Variants in TBK1 observed in about 807,000 individuals in gnomAD.
The protein encoded by TBK1 is TANK binding kinase 1.
Under a neutral mutation model 99.9 loss-of-function variants are expected in TBK1, and 37 were observed. The observed-to-expected ratio is 0.37, with a 90% CI of 0.28 to 0.49. The LOEUF (loss-of-function observed/expected upper bound fraction) is 0.49. Among genes scored for constraint, TBK1 ranks in the 20% least tolerant of loss-of-function variants. TBK1 has a pLI of 0.98. For missense variants in TBK1, 644 were observed against 872.5 expected (o/e 0.74, Z 3.30); for synonymous variants, 258 against 279.8 (o/e 0.92, Z 0.78).
rs568834710 is a variant in TBK1 at position 64,482,548 on chromosome 12, A to G, written c.992+527A>G. Reference sequence around the variant, plus strand: ...CCCATGTGATTAAAAAAAACTACCCATGTGATAAAACTGCATATAAAGTTT... The same window carrying G: ...CCCATGTGATTAAAAAAAACTACCCGTGTGATAAAACTGCATATAAAGTTT... On this transcript the variant is annotated intron_variant, in intron 8 of 20. Coordinates refer to ENST00000331710, the MANE Select transcript of TBK1 (RefSeq NM_013254.4). Among the ~76,000 whole-genome samples, 82 of 152,346 alleles carry G rather than the reference A, an allele frequency of 5.4e-4. No homozygotes were observed. The Middle Eastern group carries it at 0.01, about 19-fold the overall frequency.
At chr12:64,481,326 G>GA (rs1368926645) in intron 7 of TBK1, among the ~76,000 whole-genome samples, 3 of 152,110 alleles carry the variant, frequency 2.0e-5, no homozygotes, top group African/African-American at 7.2e-5. Context: ...ATTATCTATC[G>GA]AATCAGTCTT....
rs201771147 is a variant in TBK1 at position 64,485,903 on chromosome 12, T to C, written c.1249-23T>C. On this transcript the variant is annotated intron_variant, in intron 10 of 20. Coordinates refer to ENST00000331710, the MANE Select transcript of TBK1 (RefSeq NM_013254.4). ...CCTATACCACAATTAGCACCAAATA[T>C]TGACATTTTATTTCTTTATTAGGCA... 5 of 1,525,418 alleles carry C rather than the reference T, an allele frequency of 3.3e-6. No homozygotes were observed. In the East Asian group the frequency reaches 9.9e-5, roughly 30 times the overall value. 94.5% of individuals were successfully genotyped at this position (1,525,418 alleles called of 1,614,324 possible).
intron 6 of TBK1, among the ~76,000 whole-genome samples, chr12:64,475,392 G>C (rs530957618): frequency 6.6e-6 from 1 of 152,098 alleles, no homozygotes; most frequent in African/African-American, 2.4e-5. Context: ...ACGTGGTACC[G>C]AATAAGAAGT....
At chr12:64,458,704 T>C (rs531600752) in intron 2 of TBK1, among the ~76,000 whole-genome samples, 5 of 152,192 alleles carry the variant, frequency 3.3e-5, no homozygotes, top group Non-Finnish European at 7.4e-5. Context: ...TATTGCAAAA[T>C]TGTATTATTT....
intron 15 of TBK1, 128 bp from the exon 16 acceptor site, chr12:64,496,239 G>A (rs1389650558): frequency 1.2e-5 from 5 of 409,350 alleles, no homozygotes; most frequent in African/African-American, 2.1e-5. Flanking sequence ...AGTAACCAAT[G>A]AGCCACAAAT....
At chr12:64,482,117 C>T in intron 8 of TBK1, 96 bp downstream of exon 8, 1 of 776,548 alleles carries the variant, frequency 1.3e-6, no homozygotes, top group African/African-American at 1.8e-5. Flanking sequence ...TCAGCTTCAC[C>T]AAAAGTACCC....
intron 1 of TBK1, 29 bp downstream of exon 1, chr12:64,452,216 C>T (rs1489948929): frequency 6.6e-6 from 1 of 152,360 alleles, no homozygotes; most frequent in Non-Finnish European, 1.5e-5. Flanking sequence ...GGCTGAGGGG[C>T]CAAGGCGGCG....
At chr12:64,460,914 CTG>C (rs952031018) in intron 3 of TBK1, among the ~76,000 whole-genome samples, 18 of 151,198 alleles carry the variant, frequency 1.2e-4, no homozygotes, top group African/African-American at 4.4e-4. Flanking sequence ...AACCCTGTCT[CTG>C]TAAAAAATAC....
chr12:64,481,011 A>G (rs568456641), intron 7 of TBK1, among the ~76,000 whole-genome samples: 3 of 152,340 alleles, frequency 2.0e-5, no homozygotes, highest in East Asian at 1.9e-4. Flanking sequence ...ATCATTTTCA[A>G]AAACCACTAT....
chr12:64,452,532 C>T (rs966409937), intron 1 of TBK1: 1 of 152,250 alleles, frequency 6.6e-6, no homozygotes, highest in East Asian at 1.9e-4. Context: ...GACTCCGTTA[C>T]CGGGCCTGGG....
intron 18 of TBK1, among the ~76,000 whole-genome samples, 187 bp from the exon 19 acceptor site, chr12:64,497,461 A>G (rs2040940181): frequency 6.6e-6 from 1 of 152,096 alleles, no homozygotes; most frequent in African/African-American, 2.4e-5. Context: ...AACTGTATGA[A>G]AAGTTTCTTT....
At chr12:64,492,897 GT>G (rs539329815) in intron 13 of TBK1, among the ~76,000 whole-genome samples, 19,801 of 113,536 alleles carry the variant, frequency 0.17, 1,339 homozygotes, top group Middle Eastern at 0.3. Flanking sequence ...AATTTTGTTT[GT>G]TTTTTTTTTT....
intron 5 of TBK1, among the ~76,000 whole-genome samples, chr12:64,472,063 A>G (rs1485344100): frequency 6.6e-5 from 10 of 151,858 alleles, no homozygotes; most frequent in South Asian, 6.3e-4. Flanking sequence ...AGGTTTGGCA[A>G]TCACTTCTTT....
In TBK1 at chr12:64,496,991, T is replaced by C; in HGVS notation, c.1803T>C (p.Phe601=). ...ATGCCACAAAAGCTATGACGCACTT[T>C]ACAGATGAATGTGTTAAAAAGTATG... ...YYHATKAMTH[F]TDECVKKYEA... is the part of the protein sequence containing the mutation. Residue 601 remains phenylalanine (F), a synonymous_variant, in exon 17 of 21, where the codon TTT becomes TTC. Transcript: ENST00000331710. 6.2e-7 allele frequency: 1 copy of C among 1,613,278 alleles called. No homozygotes were observed. Among genetic ancestry groups the C allele is most frequent in the Non-Finnish European group, 8.5e-7 (1 of 1,179,526 alleles).
At chr12:64,461,658 T>A (rs1427504076) in intron 3 of TBK1, among the ~76,000 whole-genome samples, 2 of 152,166 alleles carry the variant, frequency 1.3e-5, no homozygotes, top group Non-Finnish European at 2.9e-5. Context: ...AGACTTTTGA[T>A]ACCAATTGCA....
chr12:64,460,255 C>A lies in TBK1; in HGVS notation c.154C>A (p.Gln52Lys). 1 of 1,586,176 alleles carries A rather than the reference C, an allele frequency of 6.3e-7. No individual in the cohort carries two copies. Among genetic ancestry groups the A allele is most frequent in the South Asian group, 1.2e-5 (1 of 85,836 alleles). ...AAGCTTCCTTCGTCCAGTGGATGTTCAAATGAGAGAATTTGAAGTGTTGAA... is the reference window on the plus strand; with the variant it reads ...AAGCTTCCTTCGTCCAGTGGATGTTAAAATGAGAGAATTTGAAGTGTTGAA... ...NISFLRPVDV[Q>K]MREFEVLKKL... The change falls in exon 3 of 21, where the codon CAA becomes AAA. Residue 52 changes from glutamine (Q) to lysine (K), a missense_variant. This residue lies in a region of TBK1 where 148 missense variants were observed against 202.1 expected (regional missense o/e 0.73). Coordinates refer to ENST00000331710, the MANE Select transcript of TBK1 (RefSeq NM_013254.4).
chr12:64,497,087 T>G (rs377415097), intron 17 of TBK1, 37 bp downstream of exon 17: 2 of 1,587,606 alleles, frequency 1.3e-6, no homozygotes, highest in Non-Finnish European at 1.7e-6. Context: ...AGTGGTTGAC[T>G]GCACAATATA....
intron 1 of TBK1, chr12:64,452,416 G>A (rs2040436383): frequency 6.6e-6 from 1 of 152,248 alleles, no homozygotes; most frequent in Non-Finnish European, 1.5e-5. Flanking sequence ...GGTGGCCGTA[G>A]CCGGTGGAAT....
At chr12:64,491,392 G>A (rs564502105) in intron 13 of TBK1, among the ~76,000 whole-genome samples, 13 of 152,164 alleles carry the variant, frequency 8.5e-5, no homozygotes, top group Admixed American at 5.2e-4. Context: ...AGGCTGAGTC[G>A]GATGGATCAC....
Sources: allele counts gnomAD v4.1 joint callset (sites outside exome capture counted in the v4.1 genomes callset), GRCh38; gene constraint gnomAD v4.1.1; regional missense constraint gnomAD v4.1.1; transcripts MANE v1.5; gene names NCBI Gene and HGNC (gene_info 2026-07-23, HGNC 2026-07-21).